The following CSMD2 variants were observed in gnomAD, a reference collection of about 807,000 sequenced individuals.
CSMD2 encodes CUB and Sushi multiple domains 2.
In CSMD2, 130 loss-of-function variants were observed where a neutral mutation model predicts 398.5. That is an observed-to-expected ratio of 0.33 (90% confidence interval 0.28 to 0.38). The LOEUF (loss-of-function observed/expected upper bound fraction) is 0.38. Among genes scored for constraint, CSMD2 ranks in the 10% least tolerant of loss-of-function variants. The probability of loss-of-function intolerance (pLI) is 1.00; values close to 1 mark genes in which losing one functional copy is unlikely to be tolerated. For missense variants in CSMD2, 3,829 were observed against 4,764.9 expected, an observed-to-expected ratio of 0.80 and a Z score of 5.78; for synonymous variants, 1,828 against 1,908.5, an observed-to-expected ratio of 0.96 and a Z score of 1.10.
chr1:34,123,047 T>G (rs1173266251), intron 1 of CSMD2, among the ~76,000 whole-genome samples: 3 of 152,192 alleles, frequency 2.0e-5, no homozygotes, highest in South Asian at 2.1e-4. Context: ...TATTTTTGTC[T>G]GTAGTTCCTG....
chr1:33,595,850 T>G (rs946005458), intron 44 of CSMD2, among the ~76,000 whole-genome samples: 1 of 152,212 alleles, frequency 6.6e-6, no homozygotes, highest in African/African-American at 2.4e-5. Context: ...CAATATCTGG[T>G]GCTAGATGTG....
rs764720552 is a variant in CSMD2, at chr1:33,772,597, T to C, written c.1818A>G (p.Gln606=). ...QKAITCQKNN[Q]WSAKKPGCVF... ...CGCAGCCTGGCTTCTTAGCCGACCA[T>C]TGGTTATTCTTTTGGCATGTGATTG... The change falls in exon 13 of 71, where the codon CAA becomes CAG. Residue 606 remains glutamine, a synonymous_variant. Transcript: ENST00000373381. The C allele has an allele frequency of 4.3e-6, 7 of 1,613,822 alleles. No homozygotes were observed. The highest frequency in any genetic ancestry group is 1.3e-5 in the African/African-American group (1 of 75,024).
At chr1:33,724,479 G>A (rs1646460911) in intron 18 of CSMD2, 37 bp downstream of exon 18, 1 of 1,599,050 alleles carries the variant, frequency 6.3e-7, no homozygotes, top group Admixed American at 1.7e-5. Flanking sequence ...CAGGAGAGGA[G>A]TCTGCTACTT....
rs762067445 is a variant in CSMD2 at position 33,577,501 on chromosome 1, G to A, written c.7388-17C>T. On this transcript the variant is annotated splice_polypyrimidine_tract_variant and intron_variant, in intron 48 of 70. Coordinates refer to ENST00000373381, the MANE Select transcript of CSMD2 (RefSeq NM_001281956.2). ...AGTAAGGGGCTGAACAACAAGATGA[G>A]GTTCAGGGAACTGGCACCAGCAGGA... is the stretch of plus-strand genomic sequence containing the variant. The A allele has an allele frequency of 1.3e-5, 21 of 1,588,284 alleles. No homozygotes were observed. In the East Asian group the frequency reaches 3.9e-4, roughly 29 times the overall value.
chr1:33,557,417 G>A (rs915912866), intron 55 of CSMD2, among the ~76,000 whole-genome samples: 1 of 152,122 alleles, frequency 6.6e-6, no homozygotes, highest in South Asian at 2.1e-4. Context: ...GATGTCCCGC[G>A]AGGCAGCCAG....
intron 13 of CSMD2, among the ~76,000 whole-genome samples, chr1:33,755,683 T>C (rs891801642): frequency 6.6e-6 from 1 of 152,172 alleles, no homozygotes; most frequent in Non-Finnish European, 1.5e-5. Context: ...GGTCTCACTG[T>C]CTCTAGGCTG....
At chr1:33,940,588 A>C (rs1450461588) in intron 3 of CSMD2, among the ~76,000 whole-genome samples, 2 of 152,068 alleles carry the variant, frequency 1.3e-5, no homozygotes, top group Non-Finnish European at 2.9e-5. Flanking sequence ...AGCTTCATTC[A>C]CTTGCTTGCC....
At chr1:34,123,577 G>A (rs1662428001) in intron 1 of CSMD2, among the ~76,000 whole-genome samples, 1 of 152,180 alleles carries the variant, frequency 6.6e-6, no homozygotes, top group South Asian at 2.1e-4. Context: ...AGTTCTGGAG[G>A]TTTGGACATG....
chr1:33,954,840 G>C (rs1645113939), intron 3 of CSMD2, among the ~76,000 whole-genome samples: 1 of 152,082 alleles, frequency 6.6e-6, no homozygotes, highest in Admixed American at 6.5e-5. Context: ...CAGACTAAAG[G>C]GTCAGAGTTT....
intron 44 of CSMD2, chr1:33,592,335 A>C (rs1570860126): frequency 1.4e-6 from 1 of 714,180 alleles, no homozygotes; most frequent in Non-Finnish European, 2.6e-6. Context: ...CAAAAGTAGA[A>C]TCTCTTGGGT....
At chr1:33,781,592 T>G (rs577603052) in intron 12 of CSMD2, among the ~76,000 whole-genome samples, 1 of 152,158 alleles carries the variant, frequency 6.6e-6, no homozygotes, top group African/African-American at 2.4e-5. Context: ...GTCTGTAGGG[T>G]CCAGGTCCCA....
intron 2 of CSMD2, among the ~76,000 whole-genome samples, chr1:34,067,101 G>A (rs938596882): frequency 2.0e-5 from 3 of 152,138 alleles, no homozygotes; most frequent in Admixed American, 1.3e-4. Flanking sequence ...GAGAAGGCTC[G>A]CATTGAGGGA....
chr1:34,059,249 C>T (rs1654195930), intron 2 of CSMD2, among the ~76,000 whole-genome samples: 2 of 152,136 alleles, frequency 1.3e-5, no homozygotes, highest in Admixed American at 1.3e-4. Context: ...CAGTGACCAG[C>T]AAAAGCTACA....
intron 64 of CSMD2, among the ~76,000 whole-genome samples, chr1:33,531,925 T>G (rs971108002): frequency 6.6e-6 from 1 of 152,226 alleles, no homozygotes; most frequent in Admixed American, 6.5e-5. Flanking sequence ...TAAACATAAC[T>G]AATGCCACTG....
At chr1:34,045,363 C>A (rs889577357) in intron 2 of CSMD2, among the ~76,000 whole-genome samples, 8 of 152,142 alleles carry the variant, frequency 5.3e-5, no homozygotes, top group African/African-American at 1.9e-4. Context: ...GAGAGGAAGT[C>A]TAAAGAGATT....
At chr1:33,899,192 C>CA (rs2125231352) in intron 5 of CSMD2, among the ~76,000 whole-genome samples, 1 of 152,342 alleles carries the variant, frequency 6.6e-6, no homozygotes, top group Non-Finnish European at 1.5e-5. Flanking sequence ...CCAGGGCTGG[C>CA]ATCTAGGGAG....
intron 3 of CSMD2, among the ~76,000 whole-genome samples, chr1:33,995,940 G>A (rs1033265466): frequency 2.6e-4 from 39 of 152,212 alleles, no homozygotes; most frequent in Admixed American, 3.9e-4. Flanking sequence ...TGCACCCCTC[G>A]CTGAGGTCAC....
chr1:34,040,215 A>AT (rs71278758), intron 2 of CSMD2, among the ~76,000 whole-genome samples: 9,171 of 151,774 alleles, frequency 0.06, 357 homozygotes, highest in Middle Eastern at 0.16. Context: ...ATTAAAAAAA[A>AT]AATAATAAAA....
intron 1 of CSMD2, among the ~76,000 whole-genome samples, chr1:34,104,251 A>G (rs971806666): frequency 2.0e-5 from 3 of 152,186 alleles, no homozygotes; most frequent in African/African-American, 7.2e-5. Flanking sequence ...TGATTTTTAT[A>G]CATTCATCTC....
Sources: allele counts gnomAD v4.1 joint callset (sites outside exome capture counted in the v4.1 genomes callset), GRCh38; gene constraint gnomAD v4.1.1; transcripts MANE v1.5; gene names NCBI Gene and HGNC (gene_info 2026-07-23, HGNC 2026-07-21).